ADAMTS3: variants seen among roughly 807,000 people sequenced by gnomAD.
ADAMTS3 encodes ADAM metallopeptidase with thrombospondin type 1 motif 3.
A neutral mutation model predicts 129.0 loss-of-function variants in ADAMTS3; 73 were observed. The observed-to-expected ratio is 0.57, with a 90% CI of 0.47 to 0.69. The LOEUF is 0.69. Among genes scored for constraint, ADAMTS3 ranks in the 30% least tolerant of loss-of-function variants. ADAMTS3 has a pLI of 0.00. For missense variants in ADAMTS3, 1,457 were observed against 1,514.5 expected (o/e 0.96, Z 0.63); for synonymous variants, 477 against 510.8 (o/e 0.93, Z 0.89).
chr4:72,318,450 G>T, intron 10 of ADAMTS3, 122 bp downstream of exon 10: 1 of 1,049,966 alleles, frequency 9.5e-7, no homozygotes, highest in Non-Finnish European at 1.4e-6. Context: ...GCAACACAAT[G>T]AACACAAAAT....
chr4:72,450,937 AAGGAAGGAAGGC>A (rs771761260), intron 3 of ADAMTS3, among the ~76,000 whole-genome samples: 2 of 148,996 alleles, frequency 1.3e-5, no homozygotes, highest in Non-Finnish European at 3.0e-5. Context: ...GGAAGGAAGG[AAGGAAGGAAGGC>A]AGGCAGGCAG....
At chr4:72,530,194 TA>T (rs1441777822) in intron 3 of ADAMTS3, among the ~76,000 whole-genome samples, 3 of 66,032 alleles carry the variant, frequency 4.5e-5, no homozygotes, top group Non-Finnish European at 7.8e-5. Context: ...TATTATATAT[TA>T]AATTAACATA....
chr4:72,567,865 T>C (rs1476052250), intron 1 of ADAMTS3, among the ~76,000 whole-genome samples: 1 of 152,202 alleles, frequency 6.6e-6, no homozygotes, highest in Non-Finnish European at 1.5e-5. Flanking sequence ...AGAAATTCTG[T>C]ACCCAAAGTC....
At chr4:72,438,483 A>T (rs1366877825) in intron 3 of ADAMTS3, among the ~76,000 whole-genome samples, 1 of 151,802 alleles carries the variant, frequency 6.6e-6, no homozygotes, top group Non-Finnish European at 1.5e-5. Flanking sequence ...AACCAAAAAA[A>T]TTAGTGATAA....
At chr4:72,465,300 T>C (rs1426000224) in intron 3 of ADAMTS3, among the ~76,000 whole-genome samples, 2 of 151,900 alleles carry the variant, frequency 1.3e-5, no homozygotes, top group Non-Finnish European at 2.9e-5. Context: ...GAGGAAGAAA[T>C]GAGCTTAGCA....
At chr4:72,511,679 T>C (rs1216257457) in intron 3 of ADAMTS3, among the ~76,000 whole-genome samples, 1 of 152,124 alleles carries the variant, frequency 6.6e-6, no homozygotes, top group Admixed American at 6.5e-5. Context: ...TAAATTAGTA[T>C]AACCACAATG....
At chr4:72,371,133 A>C (rs563584889) in intron 4 of ADAMTS3, among the ~76,000 whole-genome samples, 1 of 152,104 alleles carries the variant, frequency 6.6e-6, no homozygotes, top group Non-Finnish European at 1.5e-5. Flanking sequence ...ATATTTTCTC[A>C]TACTGCCACA....
rs936415044 is a variant in ADAMTS3 at position 72,523,658 on chromosome 4, C to A, written c.504+24820G>T. Reference sequence around the variant, plus strand: ...CTCATCTCTATTGCCTCTGTTAATTCAAAAAATTAGTGAACTTACCAATAT... The same window carrying A: ...CTCATCTCTATTGCCTCTGTTAATTAAAAAAATTAGTGAACTTACCAATAT... On this transcript the variant is annotated intron_variant, in intron 3 of 21. Coordinates refer to ENST00000286657, the MANE Select transcript of ADAMTS3 (RefSeq NM_014243.3). 2.6e-5 allele frequency among the ~76,000 whole-genome samples: 4 copies of A among 151,814 alleles called. 1 individual carries two copies. The South Asian group carries it at 8.3e-4, about 32-fold the overall frequency.
At chr4:72,391,705 G>A (rs1366894187) in intron 4 of ADAMTS3, among the ~76,000 whole-genome samples, 3 of 152,024 alleles carry the variant, frequency 2.0e-5, no homozygotes, top group Non-Finnish European at 4.4e-5. Flanking sequence ...TTCCTGAAAG[G>A]AAGCAGGACT....
chr4:72,511,099 T>C (rs1720302634), intron 3 of ADAMTS3, among the ~76,000 whole-genome samples: 1 of 152,142 alleles, frequency 6.6e-6, no homozygotes, highest in Non-Finnish European at 1.5e-5. Flanking sequence ...AGTAGATCCC[T>C]ATGTCTCTCC....
At chr4:72,303,815 A>C (rs987645901) in intron 17 of ADAMTS3, 102 bp downstream of exon 17, 136 of 1,231,686 alleles carry the variant, frequency 1.1e-4, no homozygotes, top group Non-Finnish European at 1.5e-4. Flanking sequence ...TCATGTTTCA[A>C]AGTTCAAAGT....
chr4:72,555,934 C>T lies in ADAMTS3; in HGVS notation c.98-7050G>A, dbSNP rs554174556. 9.2e-5 allele frequency among the ~76,000 whole-genome samples: 14 copies of T among 151,728 alleles called. 1 individual carries two copies. The South Asian group carries it at 1.2e-3, about 13-fold the overall frequency. On this transcript the variant is annotated intron_variant, in intron 2 of 21. Coordinates refer to ENST00000286657, the MANE Select transcript of ADAMTS3 (RefSeq NM_014243.3). Reference sequence around the variant, plus strand: ...CCTTCACCCTTCCACCATGATTGTACATTTCCTGAGGTCCCCCCTGTCATG... The same window carrying T: ...CCTTCACCCTTCCACCATGATTGTATATTTCCTGAGGTCCCCCCTGTCATG...
At chr4:72,313,299 T>C (rs1414748400) in intron 12 of ADAMTS3, among the ~76,000 whole-genome samples, 2 of 152,168 alleles carry the variant, frequency 1.3e-5, no homozygotes, top group Non-Finnish European at 2.9e-5. Context: ...TTCCACTCCC[T>C]GAAGAGAGAG....
At chr4:72,441,736 A>G (rs967815049) in intron 3 of ADAMTS3, 2 of 151,762 alleles carry the variant, frequency 1.3e-5, no homozygotes, top group African/African-American at 4.8e-5. Flanking sequence ...GTGTTGGTTT[A>G]TTCATCAGTC....
chr4:72,528,600 G>A (rs1043068389), intron 3 of ADAMTS3, among the ~76,000 whole-genome samples: 6 of 150,374 alleles, frequency 4.0e-5, no homozygotes, highest in Non-Finnish European at 7.4e-5. Flanking sequence ...AAAATGAGAG[G>A]AAAAAAGAAC....
intron 3 of ADAMTS3, among the ~76,000 whole-genome samples, chr4:72,478,894 C>T (rs1364352510): frequency 6.6e-6 from 1 of 151,504 alleles, no homozygotes; most frequent in African/African-American, 2.4e-5. Flanking sequence ...TCTTATACAC[C>T]AATAACAGAC....
intron 4 of ADAMTS3, among the ~76,000 whole-genome samples, chr4:72,387,707 T>C (rs1294195944): frequency 1.3e-5 from 2 of 152,136 alleles, no homozygotes; most frequent in African/African-American, 4.8e-5. Flanking sequence ...TACAGTACTA[T>C]CAAAATTTTC....
At chr4:72,519,620 T>C (rs551259532) in intron 3 of ADAMTS3, among the ~76,000 whole-genome samples, 4 of 152,230 alleles carry the variant, frequency 2.6e-5, no homozygotes, top group Admixed American at 2.0e-4. Flanking sequence ...TTTCTTCCAG[T>C]TGATTGCATC....
chr4:72,437,970 G>C (rs768510245), intron 3 of ADAMTS3, among the ~76,000 whole-genome samples: 1 of 151,644 alleles, frequency 6.6e-6, no homozygotes, highest in Non-Finnish European at 1.5e-5. Flanking sequence ...TGATGAAACT[G>C]TTTCTGTCGT....
Sources: gnomAD v4.1 joint callset for allele counts (sites outside exome capture counted in the v4.1 genomes callset) on GRCh38, gnomAD v4.1.1 for gene constraint, MANE v1.5 for transcripts, NCBI Gene and HGNC (gene_info 2026-07-23, HGNC 2026-07-21) for gene names.